Variants in HHAT observed in about 807,000 individuals in gnomAD.
HHAT encodes the protein protein-cysteine N-palmitoyltransferase HHAT.
Under a neutral mutation model 70.8 loss-of-function variants are expected in HHAT, and 47 were observed. The observed-to-expected ratio is 0.66, with a 90% CI of 0.53 to 0.85. The LOEUF (loss-of-function observed/expected upper bound fraction) is 0.85, where lower values mean the gene tolerates loss of function less well. Among genes scored for constraint, HHAT ranks in the 40% least tolerant of loss-of-function variants. The pLI is 0.00. For missense variants in HHAT, 609 were observed against 604.8 expected, an observed-to-expected ratio of 1.01 and a Z score of -0.07; for synonymous variants, 228 against 247.6, an observed-to-expected ratio of 0.92 and a Z score of 0.74.
At chr1:210,653,547 G>T (rs1675639567) in intron 11 of HHAT, among the ~76,000 whole-genome samples, 1 of 141,252 alleles carries the variant, frequency 7.1e-6, no homozygotes, top group Non-Finnish European at 1.6e-5. Context: ...AAAAAAAAAA[G>T]TTAAATACCA....
At chr1:210,378,200 G>A (rs149694798) in intron 3 of HHAT, among the ~76,000 whole-genome samples, 5 of 152,188 alleles carry the variant, frequency 3.3e-5, no homozygotes, top group African/African-American at 9.6e-5. Context: ...GGAGATTTAC[G>A]GGCCATTAAG....
At chr1:210,536,312 G>A (rs561128485) in intron 9 of HHAT, among the ~76,000 whole-genome samples, 7 of 152,350 alleles carry the variant, frequency 4.6e-5, no homozygotes, top group African/African-American at 1.7e-4. Context: ...AGGGCTCATA[G>A]CTACTGCTGG....
intron 9 of HHAT, among the ~76,000 whole-genome samples, chr1:210,528,910 G>A (rs7514187): frequency 0.43 from 65,127 of 151,862 alleles, 14,623 homozygotes; most frequent in Non-Finnish European, 0.49. Context: ...ATTACCCCCT[G>A]GGATACCATC....
intron 10 of HHAT, among the ~76,000 whole-genome samples, chr1:210,601,140 A>T (rs1424223042): frequency 6.6e-6 from 1 of 152,098 alleles, no homozygotes; most frequent in Non-Finnish European, 1.5e-5. Flanking sequence ...AATTCAATGT[A>T]TTGGCCATGT....
intron 9 of HHAT, among the ~76,000 whole-genome samples, chr1:210,567,032 C>T (rs889313153): frequency 4.6e-5 from 7 of 152,212 alleles, no homozygotes; most frequent in Non-Finnish European, 8.8e-5. Flanking sequence ...GATGCTTGCT[C>T]CAGCTCCTGC....
chr1:210,661,972 T>G (rs1677823896), intron 11 of HHAT, among the ~76,000 whole-genome samples: 1 of 151,958 alleles, frequency 6.6e-6, no homozygotes, highest in Non-Finnish European at 1.5e-5. Flanking sequence ...ACTGTAGAAC[T>G]TAAAGTATAA....
At chr1:210,658,320 G>T (rs1216370149) in intron 11 of HHAT, among the ~76,000 whole-genome samples, 1 of 151,950 alleles carries the variant, frequency 6.6e-6, no homozygotes, top group Non-Finnish European at 1.5e-5. Flanking sequence ...AGGGTGCTCA[G>T]ACCTCTTGAC....
At chr1:210,376,595 G>T (rs370100495) in intron 3 of HHAT, among the ~76,000 whole-genome samples, 3 of 152,194 alleles carry the variant, frequency 2.0e-5, no homozygotes, top group East Asian at 3.9e-4. Context: ...TGTGCCCTGA[G>T]GATGTGGTGA....
Position 210,502,402 on chromosome 1 carries a change from A to AAAAAG in HHAT, c.1008-10751_1008-10750insAAAAG, listed in dbSNP as rs59718459. On this transcript the variant is annotated intron_variant, in intron 8 of 11. Transcript: ENST00000261458. ...CAGTCTCAAAAAAAAAAAAAAAAAA[A>AAAAAG]TCTTTCCTAGTCCAGAAATTATAAG... Among the ~76,000 whole-genome samples, 3 of 151,308 alleles carry AAAAAG rather than the reference A, an allele frequency of 2.0e-5. No homozygotes were observed. The East Asian group carries it at 5.8e-4, about 29-fold the overall frequency.
chr1:210,373,118 C>A (rs3765872), intron 3 of HHAT, among the ~76,000 whole-genome samples: 41,496 of 152,010 alleles, frequency 0.27, 7,359 homozygotes, highest in African/African-American at 0.51. Flanking sequence ...CATTTGGATA[C>A]TTTCAATGTT....
chr1:210,586,364 C>A (rs541810471), intron 9 of HHAT, among the ~76,000 whole-genome samples: 3 of 152,086 alleles, frequency 2.0e-5, no homozygotes, highest in Non-Finnish European at 4.4e-5. Context: ...TATCTGAGTT[C>A]AGGAGTTTGA....
At chr1:210,427,998 A>G (rs548258531) in intron 7 of HHAT, among the ~76,000 whole-genome samples, 2 of 152,182 alleles carry the variant, frequency 1.3e-5, no homozygotes, top group East Asian at 3.9e-4. Context: ...ATATATATTT[A>G]GGACAGTTAG....
intron 4 of HHAT, among the ~76,000 whole-genome samples, chr1:210,393,295 C>T (rs144692074): frequency 2.0e-4 from 31 of 152,280 alleles, no homozygotes; most frequent in African/African-American, 5.8e-4. Flanking sequence ...ATGGAGGTGA[C>T]GGTCTTGAGA....
chr1:210,605,768 C>T (rs1665272448), intron 10 of HHAT, among the ~76,000 whole-genome samples: 1 of 152,120 alleles, frequency 6.6e-6, no homozygotes, highest in South Asian at 2.1e-4. Flanking sequence ...CTTTCCCCAG[C>T]AACAGTAATG....
At chr1:210,673,957 C>CTTTTT (rs1318957937) in intron 11 of HHAT, among the ~76,000 whole-genome samples, 1 of 141,506 alleles carries the variant, frequency 7.1e-6, no homozygotes, top group Non-Finnish European at 1.5e-5. Context: ...TGCCCTATTT[C>CTTTTT]TTTTTTTTTT....
intron 2 of HHAT, among the ~76,000 whole-genome samples, chr1:210,357,819 C>CA (rs1241598279): frequency 6.6e-6 from 1 of 152,134 alleles, no homozygotes; most frequent in African/African-American, 2.4e-5. Context: ...GACTCCATCT[C>CA]AAAAAATAAA....
At chr1:210,605,191 A>G (rs1356350091) in intron 10 of HHAT, among the ~76,000 whole-genome samples, 1 of 152,210 alleles carries the variant, frequency 6.6e-6, no homozygotes, top group Non-Finnish European at 1.5e-5. Flanking sequence ...GCAAACCTCC[A>G]GGGTAGGTGT....
At chr1:210,478,392 C>A (rs1021460959) in intron 8 of HHAT, among the ~76,000 whole-genome samples, 1 of 152,124 alleles carries the variant, frequency 6.6e-6, no homozygotes, top group South Asian at 2.1e-4. Flanking sequence ...ATCAGTAGAA[C>A]CAAGAAACTG....
At chr1:210,483,861 A>C (rs2094435610) in intron 8 of HHAT, among the ~76,000 whole-genome samples, 1 of 152,200 alleles carries the variant, frequency 6.6e-6, no homozygotes, top group Admixed American at 6.5e-5. Flanking sequence ...CTGTACTATA[A>C]ATCTTTCTAT....
Sources: allele counts gnomAD v4.1 joint callset (sites outside exome capture counted in the v4.1 genomes callset), GRCh38; gene constraint gnomAD v4.1.1; transcripts MANE v1.5; gene names NCBI Gene and HGNC (gene_info 2026-07-23, HGNC 2026-07-21).